CCDC171: variants seen among roughly 807,000 people sequenced by gnomAD.
CCDC171 encodes coiled-coil domain containing 171, also known as coiled-coil domain-containing protein 171.
A neutral mutation model predicts 168.2 loss-of-function variants in CCDC171; 177 were observed. The observed-to-expected ratio is 1.05, with a 90% CI of 0.93 to 1.19. The LOEUF is 1.19. Among genes scored for constraint, CCDC171 ranks in the 50% most tolerant of loss-of-function variants. The pLI is 0.00. For synonymous variants in CCDC171, 687 were observed against 540.8 expected (o/e 1.27, Z -3.75); for missense variants, 1,991 against 1,539.0 (o/e 1.29, Z -4.91).
intron 16 of CCDC171, among the ~76,000 whole-genome samples, chr9:15,732,557 T>C (rs1179448579): frequency 6.6e-6 from 1 of 152,160 alleles, no homozygotes; most frequent in Non-Finnish European, 1.5e-5. Flanking sequence ...ATATAGCCTT[T>C]TGGGTCTGGT....
intron 22 of CCDC171, among the ~76,000 whole-genome samples, chr9:15,847,523 C>T (rs531958084): frequency 1.3e-4 from 20 of 151,878 alleles, no homozygotes; most frequent in Non-Finnish European, 2.5e-4. Context: ...TTTATTTGTT[C>T]CTCATATCAA....
At chr9:16,026,519 G>T (rs942623280) in intron 6 of CCDC171, among the ~76,000 whole-genome samples, 4 of 152,088 alleles carry the variant, frequency 2.6e-5, no homozygotes, top group African/African-American at 9.7e-5. Context: ...TATCCAGTGG[G>T]TAATCATTTA....
chr9:15,737,944 C>T (rs1236784072), intron 16 of CCDC171, among the ~76,000 whole-genome samples: 1 of 152,078 alleles, frequency 6.6e-6, no homozygotes, highest in Non-Finnish European at 1.5e-5. Flanking sequence ...ACAAAGTGTC[C>T]TTATTTTTTA....
chr9:15,989,487 C>T (rs1042808876), intron 3 of CCDC171, among the ~76,000 whole-genome samples: 7 of 152,100 alleles, frequency 4.6e-5, no homozygotes, highest in African/African-American at 1.7e-4. Context: ...AAAAACAGAG[C>T]AGAAAAGCCG....
intron 6 of CCDC171, among the ~76,000 whole-genome samples, chr9:15,611,414 G>A (rs1049331151): frequency 1.3e-5 from 2 of 152,174 alleles, no homozygotes; most frequent in Non-Finnish European, 2.9e-5. Context: ...AAGATGAGAA[G>A]AAGCTCTTTG....
chr9:15,580,074 C>T (rs538039397), intron 4 of CCDC171, among the ~76,000 whole-genome samples: 4 of 152,136 alleles, frequency 2.6e-5, no homozygotes, highest in Non-Finnish European at 5.9e-5. Flanking sequence ...CAAATACTTA[C>T]AGCCAACTGA....
chr9:16,042,833 G>C (rs899621771), exon 1 of CCDC171: 1 of 152,124 alleles, frequency 6.6e-6, no homozygotes, highest in Admixed American at 6.5e-5. Context: ...AAACACACAT[G>C]TACACGCACA....
At chr9:15,917,783 C>T (rs1824733583) in intron 24 of CCDC171, among the ~76,000 whole-genome samples, 1 of 151,634 alleles carries the variant, frequency 6.6e-6, no homozygotes, top group East Asian at 1.9e-4. Context: ...TTGTGACTTA[C>T]AGTGAAATAA....
intron 8 of CCDC171, among the ~76,000 whole-genome samples, chr9:15,661,430 AAAT>A (rs2048316877): frequency 6.6e-6 from 1 of 152,190 alleles, no homozygotes; most frequent in South Asian, 2.1e-4. Flanking sequence ...TAATTACTAT[AAAT>A]AAGAAAATTA....
the CCDC171 span, among the ~76,000 whole-genome samples, chr9:16,108,004 T>TA: frequency 2.0e-5 from 3 of 152,178 alleles, no homozygotes; most frequent in Non-Finnish European, 4.4e-5. Context: ...CTACGCATAA[T>TA]AAAAAAATAC....
intron 18 of CCDC171, among the ~76,000 whole-genome samples, chr9:15,753,005 A>AT (rs1458694817): frequency 6.6e-6 from 1 of 152,058 alleles, no homozygotes; most frequent in Non-Finnish European, 1.5e-5. Context: ...TATTTAATGT[A>AT]TTTTTTCTTG....
chr9:15,776,267 T>C (rs1033492577), intron 18 of CCDC171: 2 of 152,230 alleles, frequency 1.3e-5, no homozygotes, highest in Admixed American at 6.5e-5. Flanking sequence ...TTTTAGTATA[T>C]GTGCTGCCGA....
intron 18 of CCDC171, among the ~76,000 whole-genome samples, chr9:15,765,985 C>G (rs530379149): frequency 6.6e-6 from 1 of 152,120 alleles, no homozygotes; most frequent in Non-Finnish European, 1.5e-5. Flanking sequence ...CAGTACCTCC[C>G]TCCAGAGCGG....
downstream of CCDC171, among the ~76,000 whole-genome samples, chr9:15,977,927 G>C (rs1831672486): frequency 6.6e-6 from 1 of 152,128 alleles, no homozygotes; most frequent in South Asian, 2.1e-4. Context: ...CTAGTAAAAA[G>C]AACTGTAAAA....
chr9:15,596,260 G>T (rs1218419677), intron 6 of CCDC171, among the ~76,000 whole-genome samples: 2 of 152,074 alleles, frequency 1.3e-5, no homozygotes, highest in Non-Finnish European at 2.9e-5. Flanking sequence ...TTTTCTTCTA[G>T]GGTTTTTATG....
intron 6 of CCDC171, among the ~76,000 whole-genome samples, chr9:15,616,482 T>G (rs1359818673): frequency 6.6e-6 from 1 of 152,066 alleles, no homozygotes; most frequent in Non-Finnish European, 1.5e-5. Context: ...TAAAATAGTT[T>G]CGATCAACTA....
intron 11 of CCDC171, among the ~76,000 whole-genome samples, chr9:15,700,910 T>C (rs910480550): frequency 4.6e-5 from 7 of 152,190 alleles, no homozygotes; most frequent in Admixed American, 1.3e-4. Flanking sequence ...GTTTTTTTTT[T>C]TGTCTTTTTG....
chr9:15,906,932 A>C (rs539999957), intron 24 of CCDC171, among the ~76,000 whole-genome samples: 22 of 151,988 alleles, frequency 1.4e-4, no homozygotes, highest in Middle Eastern at 3.4e-3. Flanking sequence ...AATTGCTTCA[A>C]AGAGAATAAA....
At chr9:15,911,680 G>T (rs1360448596) in intron 24 of CCDC171, among the ~76,000 whole-genome samples, 1 of 152,108 alleles carries the variant, frequency 6.6e-6, no homozygotes, top group East Asian at 1.9e-4. Flanking sequence ...ATGGTTTTAG[G>T]TCTTACATTT....
Sources: gnomAD v4.1 joint callset for allele counts (sites outside exome capture counted in the v4.1 genomes callset) on GRCh38, gnomAD v4.1.1 for gene constraint, MANE v1.5 for transcripts, NCBI Gene and HGNC (gene_info 2026-07-23, HGNC 2026-07-21) for gene names.